The following UBA6 variants were observed in gnomAD, a reference collection of about 807,000 sequenced individuals.
UBA6 encodes ubiquitin-like modifier-activating enzyme 6.
A neutral mutation model predicts 148.3 loss-of-function variants in UBA6; 87 were observed. That is an observed-to-expected ratio of 0.59 (90% CI 0.49 to 0.70). UBA6 has a LOEUF of 0.70. Ranked by LOEUF, UBA6 falls within the 30% of genes least tolerant of loss-of-function variation. The pLI, the probability that UBA6 is intolerant of heterozygous loss-of-function variation, is 0.00. For synonymous variants in UBA6, 376 were observed against 401.0 expected, an observed-to-expected ratio of 0.94 and a Z score of 0.75; for missense variants, 1,186 against 1,241.2, an observed-to-expected ratio of 0.96 and a Z score of 0.67.
chr4:67,613,947 C>G lies in UBA6; in HGVS notation c.*5050G>C, dbSNP rs1353053596. Reference sequence around the variant, plus strand: ...AAAAATCTACATTCTATAAAGAATCCCCTTTCCCCTTTACCCATTTTTTTT... The same window carrying G: ...AAAAATCTACATTCTATAAAGAATCGCCTTTCCCCTTTACCCATTTTTTTT... On this transcript the variant is annotated 3_prime_UTR_variant, in exon 33 of 33. Coordinates refer to ENST00000322244, the MANE Select transcript of UBA6 (RefSeq NM_018227.6). The G allele has an allele frequency of 6.6e-6, 1 of 152,004 alleles. No individual in the cohort carries two copies. The highest frequency in any genetic ancestry group is 1.9e-4 in the East Asian group (1 of 5,202). 9.4% of individuals were successfully genotyped at this position (152,004 alleles called of 1,614,324 possible).
At chr4:67,662,302 A>G in intron 12 of UBA6, 47 bp from the exon 13 acceptor site, 1 of 1,544,424 alleles carries the variant, frequency 6.5e-7, no homozygotes. Flanking sequence ...CTCAACTGCC[A>G]TAAACAGTAG....
At chr4:67,670,174 G>C (rs1730110061) in intron 8 of UBA6, among the ~76,000 whole-genome samples, 1 of 152,036 alleles carries the variant, frequency 6.6e-6, no homozygotes, top group Non-Finnish European at 1.5e-5. Flanking sequence ...AAACTCCTGA[G>C]CTAAAGTGAT....
intron 13 of UBA6, among the ~76,000 whole-genome samples, chr4:67,654,772 G>A (rs12502843): frequency 0.2 from 30,573 of 151,332 alleles, 3,341 homozygotes; most frequent in Middle Eastern, 0.29. Context: ...ACCCATCAGC[G>A]TGCTGTATTC....
chr4:67,641,174 G>A lies in UBA6; in HGVS notation c.1531C>T (p.Leu511=). The change falls in exon 18 of 33, where the codon CTA becomes TTA. Residue 511 remains leucine (L), a synonymous_variant. Coordinates refer to ENST00000322244, the MANE Select transcript of UBA6 (RefSeq NM_018227.6). ...ACCTGTATGTGATGAGGACGAAATAGGAACTGTCTATTTAAGTTGGATTTC... is the reference window on the plus strand; with the variant it reads ...ACCTGTATGTGATGAGGACGAAATAAGAACTGTCTATTTAAGTTGGATTTC... ...IEKSNLNRQF[L]FRPHHIQKPK... is the part of the protein sequence containing the mutation. 1 of 1,598,714 alleles carries A rather than the reference G, an allele frequency of 6.3e-7. No individual in the cohort carries two copies. The highest frequency in any genetic ancestry group is 8.5e-7 in the Non-Finnish European group (1 of 1,173,092).
At chr4:67,619,229 C>T (rs114447645) in intron 32 of UBA6, 97 bp from the exon 33 acceptor site, 23,530 of 863,686 alleles carry the variant, frequency 0.027, 434 homozygotes, top group Non-Finnish European at 0.034. Context: ...GGACTTGTAT[C>T]TAGACTTTAA....
chr4:67,625,132 G>A lies in UBA6; in HGVS notation c.2574C>T (p.His858=), dbSNP rs764212818. 1.2e-6 allele frequency: 2 copies of A among 1,613,086 alleles called. No individual in the cohort carries two copies. The highest frequency in any genetic ancestry group is 1.7e-6 in the Non-Finnish European group (2 of 1,179,398). Residue 858 remains histidine, a synonymous_variant, in exon 29 of 33, where the codon CAC becomes CAT. Transcript: ENST00000322244. The part of the protein sequence containing the change: ...SFEKDDDHNG[H]IDFITAASNL... ...TTGATGCAGCTGTGATGAAATCTAT[G>A]TGTCCATTATGATCATCATCTTTTT...
At chr4:67,663,278 CTAAA>C in intron 11 of UBA6, 63 bp from the exon 12 acceptor site, 1 of 1,049,596 alleles carries the variant, frequency 9.5e-7, no homozygotes, top group Non-Finnish European at 1.4e-6. Context: ...AGGCACTGGG[CTAAA>C]TACTTTTAAA....
Position 67,626,370 on chromosome 4 carries a change from T to C in UBA6, c.2508A>G (p.Glu836=). 6.2e-7 allele frequency: 1 copy of C among 1,605,792 alleles called. No individual in the cohort carries two copies. Among genetic ancestry groups the C allele is most frequent in the Non-Finnish European group, 8.5e-7 (1 of 1,173,612 alleles). ...FQLEKAILSN[E]ATKSDLQMAV... ...AAGATTTTCCCTTACTTTTGGTGGC[T>C]TCATTAGATAAAATAGCCTTTTCTA... The change falls in exon 28 of 33, where the codon GAA becomes GAG. Residue 836 remains glutamate, a synonymous_variant. Transcript: ENST00000322244.
At position 67,623,168 on chromosome 4, in the gene UBA6, A is replaced by G. The variant is rs1429944321; in HGVS notation, c.2895T>C (p.Asp965=). 2 of 1,612,952 alleles carry G rather than the reference A, an allele frequency of 1.2e-6. No individual in the cohort carries two copies. The highest frequency in any genetic ancestry group is 1.7e-6 in the Non-Finnish European group (2 of 1,179,368). The change falls in exon 31 of 33, where the codon GAT becomes GAC. Residue 965 remains aspartate, a synonymous_variant. Transcript: ENST00000322244. ...WDRWTVHGKE[D]FTLLDFINAV... The stretch of plus-strand genomic sequence containing the variant: ...CATTTATGAAATCCAAGAGGGTGAA[A>G]TCTTCTTTTCCATGTACGGTCCATC...
intron 13 of UBA6, among the ~76,000 whole-genome samples, chr4:67,660,532 G>A (rs1577817941): frequency 6.6e-6 from 1 of 152,212 alleles, no homozygotes; most frequent in East Asian, 1.9e-4. Flanking sequence ...GTGCACAGAA[G>A]TCAAGCGAGA....
At chr4:67,638,915 T>C in intron 19 of UBA6, 28 bp downstream of exon 19, 2 of 1,535,934 alleles carry the variant, frequency 1.3e-6, no homozygotes, top group Non-Finnish European at 1.8e-6. Flanking sequence ...AAGACAATTC[T>C]GTAGGAACAT....
At chr4:67,687,330 G>A (rs925280562) in intron 2 of UBA6, among the ~76,000 whole-genome samples, 2 of 151,850 alleles carry the variant, frequency 1.3e-5, no homozygotes, top group Admixed American at 6.6e-5. Flanking sequence ...CACTGCACCC[G>A]ACCAATATTA....
chr4:67,658,800 G>C (rs888146123), intron 13 of UBA6, among the ~76,000 whole-genome samples: 8 of 152,128 alleles, frequency 5.3e-5, no homozygotes, highest in African/African-American at 1.9e-4. Context: ...CCATTTATAT[G>C]ACATTCTAGA....
intron 2 of UBA6, among the ~76,000 whole-genome samples, chr4:67,693,249 G>A (rs1730737973): frequency 6.6e-6 from 1 of 151,628 alleles, no homozygotes; most frequent in African/African-American, 2.4e-5. Context: ...TCCATCTAAT[G>A]AACAATAAAT....
At chr4:67,651,334 C>T (rs188507202) in intron 13 of UBA6, among the ~76,000 whole-genome samples, 2 of 152,226 alleles carry the variant, frequency 1.3e-5, no homozygotes, top group Non-Finnish European at 1.5e-5. Context: ...ACTTAAACAA[C>T]ATTTGACTCT....
At chr4:67,680,258 G>A (rs1489545412) in intron 4 of UBA6, among the ~76,000 whole-genome samples, 2 of 151,976 alleles carry the variant, frequency 1.3e-5, no homozygotes, top group African/African-American at 2.4e-5. Flanking sequence ...ATGAAATAAT[G>A]AATCTAGGCA....
In UBA6 at chr4:67,629,109, A is replaced by G; in HGVS notation, c.2362T>C (p.Ser788Pro). 1 of 1,610,094 alleles carries G rather than the reference A, an allele frequency of 6.2e-7. No homozygotes were observed. The highest frequency in any genetic ancestry group is 8.5e-7 in the Non-Finnish European group (1 of 1,177,150). ...LSADALLNIL[S>P]EVKIQEFKPS... ...TTGAATTCCTGAATCTTTACTTCTG[A>G]AAGAATATTCAAGAGGGCATCTGCT... Residue 788 changes from serine (S) to proline (P), a missense_variant, in exon 27 of 33, where the codon TCA becomes CCA. By Grantham distance (74) the Ser-to-Pro change is moderately conservative (BLOSUM62 -1). Coordinates refer to ENST00000322244, the MANE Select transcript of UBA6 (RefSeq NM_018227.6).
At chr4:67,656,923 C>T (rs1015690193) in intron 13 of UBA6, among the ~76,000 whole-genome samples, 54 of 152,266 alleles carry the variant, frequency 3.5e-4, no homozygotes, top group Admixed American at 1.6e-3. Context: ...AGTGAACTTT[C>T]ATTCACAATT....
chr4:67,655,251 T>C (rs1257582705), intron 13 of UBA6, among the ~76,000 whole-genome samples: 1 of 152,216 alleles, frequency 6.6e-6, no homozygotes, highest in East Asian at 1.9e-4. Flanking sequence ...TTCTCAGCAC[T>C]ACATCGCACT....
Sources: gnomAD v4.1 joint callset for allele counts (sites outside exome capture counted in the v4.1 genomes callset) on GRCh38, gnomAD v4.1.1 for gene constraint, MANE v1.5 for transcripts, NCBI Gene and HGNC (gene_info 2026-07-23, HGNC 2026-07-21) for gene names.